NCOA1: variants seen among roughly 807,000 people sequenced by gnomAD.
NCOA1 encodes nuclear receptor coactivator 1.
NCOA1 carries 35 observed loss-of-function variants against 150.9 expected under a neutral mutation model. The observed-to-expected ratio is 0.23, with a 90% CI of 0.18 to 0.31. NCOA1 has a LOEUF of 0.31. Ranked by LOEUF, NCOA1 falls within the 10% of genes least tolerant of loss-of-function variation. The pLI is 1.00. For synonymous variants in NCOA1, 590 were observed against 630.0 expected, an observed-to-expected ratio of 0.94 and a Z score of 0.95; for missense variants, 1,491 against 1,749.3, an observed-to-expected ratio of 0.85 and a Z score of 2.63.
At chr2:24,532,142 C>T (rs890210332) in intron 1 of NCOA1, among the ~76,000 whole-genome samples, 20 of 152,098 alleles carry the variant, frequency 1.3e-4, no homozygotes, top group African/African-American at 3.6e-4. Flanking sequence ...TTTTGATGAT[C>T]GCCATTCTAA....
chr2:24,643,191 A>G (rs940355205), intron 3 of NCOA1, among the ~76,000 whole-genome samples: 2 of 152,206 alleles, frequency 1.3e-5, no homozygotes, highest in African/African-American at 4.8e-5. Context: ...GCTCTGATCT[A>G]CATTCTTTAA....
chr2:24,705,581 C>G (rs1344874711), intron 12 of NCOA1, among the ~76,000 whole-genome samples: 1 of 151,690 alleles, frequency 6.6e-6, no homozygotes, highest in Non-Finnish European at 1.5e-5. Context: ...TGAAAGTGCT[C>G]TATTTTCATT....
Position 24,691,460 on chromosome 2 carries a change from TAATC to T in NCOA1, c.533-17_533-14del. The stretch of plus-strand genomic sequence containing the variant: ...CTTTTTCACCATATTCGCAAGCACA[TAATC>T]AATTTTTCTTCCTCAGTAAATGGAG... On this transcript the variant is annotated splice_polypyrimidine_tract_variant and intron_variant, in intron 8 of 22. Coordinates refer to ENST00000348332, the MANE Select transcript of NCOA1 (RefSeq NM_003743.5). 1 of 1,610,136 alleles carries T rather than the reference TAATC, an allele frequency of 6.2e-7. No individual in the cohort carries two copies. The highest frequency in any genetic ancestry group is 1.1e-5 in the South Asian group (1 of 90,742).
intron 19 of NCOA1, among the ~76,000 whole-genome samples, chr2:24,743,958 A>G (rs926730532): frequency 2.0e-5 from 3 of 152,200 alleles, no homozygotes; most frequent in African/African-American, 7.2e-5. Flanking sequence ...TTTCCTCTGG[A>G]AAGTCAAGAA....
chr2:24,561,590 T>G lies in NCOA1; in HGVS notation c.-395-2705T>G, dbSNP rs552078984. 9.2e-5 allele frequency among the ~76,000 whole-genome samples: 14 copies of G among 152,228 alleles called. No individual in the cohort carries two copies. In the South Asian group the frequency reaches 2.9e-3, roughly 32 times the overall value. On this transcript the variant is annotated intron_variant, in intron 1 of 22. Transcript: ENST00000348332. Reference sequence around the variant, plus strand: ...CAAAAAGGTAGCTTTCTAGCACAATTAGGAAGGTTTTGGTTTTAGAAGCAG... The same window carrying G: ...CAAAAAGGTAGCTTTCTAGCACAATGAGGAAGGTTTTGGTTTTAGAAGCAG...
intron 3 of NCOA1, among the ~76,000 whole-genome samples, chr2:24,613,400 A>G (rs1668723913): frequency 6.6e-6 from 1 of 152,174 alleles, no homozygotes; most frequent in Non-Finnish European, 1.5e-5. Context: ...GGGAGTGGGA[A>G]GCAAGATGAG....
At position 24,706,662 on chromosome 2, in the gene NCOA1, C is replaced by G; in HGVS notation, c.1192C>G (p.His398Asp). 6.2e-7 allele frequency: 1 copy of G among 1,614,224 alleles called. No individual in the cohort carries two copies. Residue 398 changes from histidine to aspartate, a missense_variant, in exon 13 of 23, where the codon CAT becomes GAT. By Grantham distance (81) the His-to-Asp change is moderately conservative. Coordinates refer to ENST00000348332, the MANE Select transcript of NCOA1 (RefSeq NM_003743.5). ...PSVNPSISPAHGVARSSTLPP... is the reference protein window; with the variant it reads ...PSVNPSISPADGVARSSTLPP... ...GGTCAATCCTAGTATCTCTCCAGCT[C>G]ATGGTGTGGCTCGTTCATCCACATT...
chr2:24,574,420 A>C (rs1558804968), intron 2 of NCOA1, among the ~76,000 whole-genome samples: 1 of 152,106 alleles, frequency 6.6e-6, no homozygotes, highest in Non-Finnish European at 1.5e-5. Flanking sequence ...ATATTATAAA[A>C]TCAGTATGAC....
At chr2:24,723,485 C>A (rs760392291) in intron 14 of NCOA1, among the ~76,000 whole-genome samples, 8 of 152,132 alleles carry the variant, frequency 5.3e-5, no homozygotes, top group Non-Finnish European at 1.0e-4. Flanking sequence ...ATAGATATTG[C>A]CAAATAGTCC....
At chr2:24,546,346 G>A (rs997193183) in intron 1 of NCOA1, among the ~76,000 whole-genome samples, 2 of 152,096 alleles carry the variant, frequency 1.3e-5, no homozygotes, top group Non-Finnish European at 1.5e-5. Flanking sequence ...CATCATCTTA[G>A]TCTCCTCTGA....
In NCOA1 at chr2:24,530,525, T is replaced by C. The variant is rs181213861; in HGVS notation, c.-395-33770T>C. On this transcript the variant is annotated intron_variant, in intron 1 of 22. Transcript: ENST00000348332. ...TTCTTTTTTCTGCCGAGGACAAGTA[T>C]TCTTAATTTACCTGTTGTTTCCACA... is the stretch of plus-strand genomic sequence containing the variant. 2.0e-4 allele frequency among the ~76,000 whole-genome samples: 30 copies of C among 152,348 alleles called. No homozygotes were observed. The East Asian group carries it at 5.6e-3, about 28-fold the overall frequency.
chr2:24,678,393 G>A (rs1301780398), intron 7 of NCOA1, among the ~76,000 whole-genome samples: 1 of 152,072 alleles, frequency 6.6e-6, no homozygotes, highest in Non-Finnish European at 1.5e-5. Flanking sequence ...TGTCTCTTTG[G>A]ATATATACTC....
At chr2:24,496,198 A>G (rs1465220358) in intron 1 of NCOA1, among the ~76,000 whole-genome samples, 3 of 152,222 alleles carry the variant, frequency 2.0e-5, no homozygotes, top group African/African-American at 7.2e-5. Context: ...TCCTACACAT[A>G]ATGCTGAAGA....
At chr2:24,608,902 T>G (rs751291035) in intron 3 of NCOA1, among the ~76,000 whole-genome samples, 1 of 152,046 alleles carries the variant, frequency 6.6e-6, no homozygotes, top group Non-Finnish European at 1.5e-5. Flanking sequence ...TTGTCTGATG[T>G]TTTTCTTGTG....
intron 3 of NCOA1, among the ~76,000 whole-genome samples, chr2:24,585,009 C>T (rs570376892): frequency 1.3e-5 from 2 of 152,226 alleles, no homozygotes; most frequent in African/African-American, 4.8e-5. Context: ...TGAAGACTTT[C>T]CCAAATTTTA....
At chr2:24,563,389 A>G (rs1013646353) in intron 1 of NCOA1, among the ~76,000 whole-genome samples, 4 of 152,198 alleles carry the variant, frequency 2.6e-5, no homozygotes, top group Admixed American at 6.5e-5. Context: ...CCCGTGGTAT[A>G]ATGACCGTCT....
chr2:24,643,671 GC>G (rs1238342098), intron 3 of NCOA1, among the ~76,000 whole-genome samples: 1 of 152,042 alleles, frequency 6.6e-6, no homozygotes, highest in Non-Finnish European at 1.5e-5. Context: ...TACAAATGCA[GC>G]CAGAAACAAC....
chr2:24,582,640 A>G (rs1380078003), intron 2 of NCOA1, among the ~76,000 whole-genome samples: 2 of 152,188 alleles, frequency 1.3e-5, no homozygotes, highest in African/African-American at 2.4e-5. Context: ...ACGACCCCAA[A>G]TAGGCAAAGA....
intron 5 of NCOA1, among the ~76,000 whole-genome samples, chr2:24,660,276 T>A (rs1483660156): frequency 6.6e-6 from 1 of 152,080 alleles, no homozygotes; most frequent in African/African-American, 2.4e-5. Context: ...GGAAATTTTT[T>A]AAATATATAA....
Sources: allele counts gnomAD v4.1 joint callset (sites outside exome capture counted in the v4.1 genomes callset), GRCh38; gene constraint gnomAD v4.1.1; transcripts MANE v1.5; gene names NCBI Gene and HGNC (gene_info 2026-07-23, HGNC 2026-07-21).